The following ZBTB37 variants were observed in gnomAD, a reference collection of about 807,000 sequenced individuals.
The protein encoded by ZBTB37 is zinc finger and BTB domain containing 37.
In ZBTB37, 15 loss-of-function variants were observed where a neutral mutation model predicts 37.7. The ratio of observed to expected loss-of-function variants is 0.40; its 90% CI spans 0.27 to 0.61. The LOEUF is 0.61. Among genes scored for constraint, ZBTB37 ranks in the 20% least tolerant of loss-of-function variants. The pLI is 0.44. For synonymous variants in ZBTB37, 231 were observed against 220.6 expected, an observed-to-expected ratio of 1.05 and a Z score of -0.42; for missense variants, 514 against 641.9, an observed-to-expected ratio of 0.80 and a Z score of 2.15.
At chr1:173,880,748 A>G (rs947895706) in intron 4 of ZBTB37, among the ~76,000 whole-genome samples, 4 of 152,200 alleles carry the variant, frequency 2.6e-5, no homozygotes, top group Non-Finnish European at 5.9e-5. Context: ...TATTGCTGCC[A>G]TTGACAAGGA....
intron 4 of ZBTB37, among the ~76,000 whole-genome samples, chr1:173,882,571 T>A (rs1656394655): frequency 6.6e-6 from 1 of 152,140 alleles, no homozygotes; most frequent in African/African-American, 2.4e-5. Context: ...GTGCAGAAGC[T>A]CTTTAGTTTA....
chr1:173,869,623 C>T (rs1051400075), intron 2 of ZBTB37, among the ~76,000 whole-genome samples: 2 of 146,790 alleles, frequency 1.4e-5, no homozygotes, highest in African/African-American at 5.3e-5. Flanking sequence ...GAGTTTGCTT[C>T]ACAGCCCTAT....
intron 4 of ZBTB37, among the ~76,000 whole-genome samples, chr1:173,880,274 A>G (rs1656226548): frequency 6.6e-6 from 1 of 152,224 alleles, no homozygotes; most frequent in South Asian, 2.1e-4. Flanking sequence ...GGCACCTACT[A>G]AATAGGGAGT....
chr1:173,888,359 CA>C (rs1368172556), downstream of ZBTB37: 2 of 152,084 alleles, frequency 1.3e-5, no homozygotes, highest in Admixed American at 1.3e-4. Flanking sequence ...TTAAGCCTAC[CA>C]AAAAACTTTT....
exon 4 of ZBTB37, chr1:173,900,891 T>C (rs1182388691): frequency 2.6e-5 from 4 of 152,236 alleles, no homozygotes; most frequent in Admixed American, 2.0e-4. Flanking sequence ...GTTTTCATAC[T>C]GAAGAACCTT....
intron 4 of ZBTB37, among the ~76,000 whole-genome samples, chr1:173,879,768 A>G (rs1007236350): frequency 2.6e-5 from 4 of 152,174 alleles, no homozygotes; most frequent in African/African-American, 9.7e-5. Context: ...CCTGGCCAAC[A>G]TGGTGAAACC....
chr1:173,882,408 A>G (rs1656379099), intron 4 of ZBTB37, among the ~76,000 whole-genome samples: 1 of 151,274 alleles, frequency 6.6e-6, no homozygotes, highest in Admixed American at 6.6e-5. Flanking sequence ...CGCCCAGCTA[A>G]TTTTTGTATT....
At chr1:173,875,789 G>A (rs1655933041) in intron 4 of ZBTB37, among the ~76,000 whole-genome samples, 1 of 151,922 alleles carries the variant, frequency 6.6e-6, no homozygotes, top group Non-Finnish European at 1.5e-5. Flanking sequence ...TGAGTAGCTG[G>A]AACCACAGAT....
exon 5 of ZBTB37, chr1:173,885,912 T>C: frequency 6.4e-7 from 1 of 1,551,892 alleles, no homozygotes. Flanking sequence ...CTGTCATGTC[T>C]GTGGCAAAAG....
exon 4 of ZBTB37, chr1:173,894,833 T>C (rs1347444458): frequency 6.6e-6 from 1 of 152,210 alleles, no homozygotes; most frequent in Non-Finnish European, 1.5e-5. Context: ...TCTTGACTCT[T>C]TGGTGTTTAT....
At chr1:173,899,427 A>C (rs1202294754) in exon 4 of ZBTB37, 1 of 152,208 alleles carries the variant, frequency 6.6e-6, no homozygotes, top group Non-Finnish European at 1.5e-5. Context: ...TATTACAGCC[A>C]GTTATTTATT....
chr1:173,901,971 A>C (rs974188678), exon 4 of ZBTB37: 1 of 152,164 alleles, frequency 6.6e-6, no homozygotes, highest in Non-Finnish European at 1.5e-5. Flanking sequence ...GTGCCTTCAC[A>C]CTGGTCACTG....
At chr1:173,873,850 A>G (rs1655733228) in intron 4 of ZBTB37, among the ~76,000 whole-genome samples, 1 of 152,236 alleles carries the variant, frequency 6.6e-6, no homozygotes, top group Admixed American at 6.5e-5. Context: ...AACATTTTAA[A>G]ATTAATCATT....
chr1:173,884,211 G>A (rs1170258000), intron 4 of ZBTB37, among the ~76,000 whole-genome samples: 1 of 151,060 alleles, frequency 6.6e-6, no homozygotes, highest in Non-Finnish European at 1.5e-5. Context: ...GAGTGCAGTG[G>A]CCTGATGACA....
downstream of ZBTB37, chr1:173,890,219 T>G: frequency 6.6e-6 from 1 of 152,094 alleles, no homozygotes; most frequent in East Asian, 1.9e-4. Context: ...TTTTCCAGAG[T>G]TTTAGCTGTT....
intron 4 of ZBTB37, among the ~76,000 whole-genome samples, chr1:173,882,361 C>A (rs1474141843): frequency 6.6e-6 from 1 of 150,884 alleles, no homozygotes; most frequent in Non-Finnish European, 1.5e-5. Flanking sequence ...CTTGCCTCAG[C>A]CTCCCGAGTA....
exon 4 of ZBTB37, chr1:173,893,520 T>A (rs922769737): frequency 2.0e-5 from 3 of 152,220 alleles, no homozygotes; most frequent in Non-Finnish European, 4.4e-5. Context: ...GGTTGGCGTC[T>A]GGGATGTATT....
At chr1:173,879,091 CAAA>C (rs35322065) in intron 4 of ZBTB37, among the ~76,000 whole-genome samples, 1 of 84,782 alleles carries the variant, frequency 1.2e-5, no homozygotes, top group African/African-American at 4.3e-5. Context: ...AACTCCATCT[CAAA>C]AAAAAAAAAA....
intron 4 of ZBTB37, 65 bp downstream of exon 4, chr1:173,873,631 A>C: frequency 6.3e-7 from 1 of 1,590,402 alleles, no homozygotes; most frequent in Non-Finnish European, 8.6e-7. Context: ...TATGAATAGA[A>C]AATAATGAAA....
Sources: allele counts gnomAD v4.1 joint callset (sites outside exome capture counted in the v4.1 genomes callset), GRCh38; gene constraint gnomAD v4.1.1; transcripts MANE v1.5; gene names NCBI Gene and HGNC (gene_info 2026-07-23, HGNC 2026-07-21).